The following HPCAL1 variants were observed in gnomAD, a reference collection of about 807,000 sequenced individuals.
HPCAL1 encodes the protein hippocalcin-like protein 1.
In HPCAL1, 8 loss-of-function variants were observed where a neutral mutation model predicts 17.1. That is an observed-to-expected ratio of 0.47 (90% CI 0.27 to 0.84). The LOEUF (loss-of-function observed/expected upper bound fraction) is 0.84, where lower values mean the gene tolerates loss of function less well. Ranked by LOEUF, HPCAL1 falls within the 40% of genes least tolerant of loss-of-function variation. The pLI, the probability that HPCAL1 is intolerant of heterozygous loss-of-function variation, is 0.13. For missense variants in HPCAL1, 165 were observed against 271.1 expected (o/e 0.61, Z 2.75); for synonymous variants, 112 against 111.4 (o/e 1.01, Z -0.03).
At chr2:10,326,707 C>T (rs1266842480) in intron 1 of HPCAL1, among the ~76,000 whole-genome samples, 1 of 152,220 alleles carries the variant, frequency 6.6e-6, no homozygotes, top group Admixed American at 6.5e-5. Context: ...CCCTGGTCCT[C>T]AAGCTCCTCC....
chr2:10,326,633 G>T (rs1372606724), intron 1 of HPCAL1, among the ~76,000 whole-genome samples: 1 of 152,220 alleles, frequency 6.6e-6, no homozygotes, highest in East Asian at 1.9e-4. Flanking sequence ...CAAAGGAGAG[G>T]AGGTGTTCAG....
chr2:10,350,228 A>G (rs1298293466), intron 1 of HPCAL1, among the ~76,000 whole-genome samples: 2 of 152,128 alleles, frequency 1.3e-5, no homozygotes, highest in African/African-American at 4.8e-5. Flanking sequence ...ATGCACCCAG[A>G]AGGGGACAGA....
At chr2:10,411,439 T>C (rs1344048664) in intron 2 of HPCAL1, among the ~76,000 whole-genome samples, 3 of 152,184 alleles carry the variant, frequency 2.0e-5, no homozygotes, top group African/African-American at 4.8e-5. Context: ...CACTGTGTCC[T>C]CCCCTGGATG....
At chr2:10,408,919 G>A (rs1176971210) in intron 2 of HPCAL1, among the ~76,000 whole-genome samples, 1 of 152,182 alleles carries the variant, frequency 6.6e-6, no homozygotes, top group African/African-American at 2.4e-5. Context: ...AATAAAGTGG[G>A]AGACACATAC....
chr2:10,399,429 A>ACCACCG, intron 2 of HPCAL1, among the ~76,000 whole-genome samples: 1 of 137,990 alleles, frequency 7.2e-6, no homozygotes, highest in Admixed American at 7.2e-5. Context: ...CACCATCACC[A>ACCACCG]CCACCACCAC....
intron 3 of HPCAL1, among the ~76,000 whole-genome samples, chr2:10,422,063 A>G (rs1412166684): frequency 6.6e-6 from 1 of 152,092 alleles, no homozygotes; most frequent in Non-Finnish European, 1.5e-5. Context: ...GCTTGGTCAG[A>G]ACATCAAGGC....
intron 1 of HPCAL1, among the ~76,000 whole-genome samples, chr2:10,390,783 G>A (rs1212811939): frequency 5.3e-5 from 8 of 152,066 alleles, no homozygotes; most frequent in Admixed American, 5.2e-4. Flanking sequence ...CCCCGGCCTG[G>A]GACTGGGCCA....
At chr2:10,353,724 A>G (rs1206849373) in intron 1 of HPCAL1, among the ~76,000 whole-genome samples, 1 of 152,158 alleles carries the variant, frequency 6.6e-6, no homozygotes, top group Non-Finnish European at 1.5e-5. Flanking sequence ...GTGTGCCGCT[A>G]TGCCCGGCTA....
intron 2 of HPCAL1, among the ~76,000 whole-genome samples, chr2:10,416,270 A>T (rs975710254): frequency 2.6e-5 from 4 of 152,214 alleles, no homozygotes; most frequent in Admixed American, 2.6e-4. Context: ...CAACCCATGC[A>T]TCTGGGCCTA....
intron 2 of HPCAL1, among the ~76,000 whole-genome samples, chr2:10,417,134 A>C (rs1192828556): frequency 6.6e-6 from 1 of 152,014 alleles, no homozygotes; most frequent in Non-Finnish European, 1.5e-5. Flanking sequence ...AGGCTGAGGC[A>C]GGTGGATCAC....
At chr2:10,386,881 G>A (rs898084113) in intron 1 of HPCAL1, among the ~76,000 whole-genome samples, 5 of 152,198 alleles carry the variant, frequency 3.3e-5, no homozygotes, top group African/African-American at 7.2e-5. Context: ...ATGGCTCACT[G>A]GGGCTGCTTT....
chr2:10,326,461 G>A (rs766892739), intron 1 of HPCAL1, among the ~76,000 whole-genome samples: 6 of 152,210 alleles, frequency 3.9e-5, no homozygotes, highest in Non-Finnish European at 5.9e-5. Context: ...GGTGAGGTGG[G>A]GGCAGGCAGT....
chr2:10,311,439 C>T (rs1284524884), intron 1 of HPCAL1, among the ~76,000 whole-genome samples: 2 of 152,156 alleles, frequency 1.3e-5, no homozygotes, highest in African/African-American at 2.4e-5. Flanking sequence ...GGTGCTTTCC[C>T]CTCTTCTTTC....
chr2:10,409,581 C>A (rs532046433), intron 2 of HPCAL1, among the ~76,000 whole-genome samples: 2 of 152,064 alleles, frequency 1.3e-5, no homozygotes, highest in Non-Finnish European at 2.9e-5. Flanking sequence ...CAGCGGTCAC[C>A]GGGAGAAAGA....
At chr2:10,393,758 G>A in intron 1 of HPCAL1, among the ~76,000 whole-genome samples, 1 of 152,132 alleles carries the variant, frequency 6.6e-6, no homozygotes, top group East Asian at 1.9e-4. Context: ...CCAGCTGGGG[G>A]CATGCAGAGG....
intron 1 of HPCAL1, chr2:10,303,876 G>GGGGC (rs1379931354): frequency 6.6e-6 from 1 of 152,326 alleles, no homozygotes; most frequent in Non-Finnish European, 1.5e-5. Context: ...TCCTCCCTTG[G>GGGGC]GGGCTGTGGT....
chr2:10,419,593 G>A lies in HPCAL1; in HGVS notation c.-24-141G>A. The A allele has an allele frequency of 1.4e-6, 1 of 700,496 alleles. No individual in the cohort carries two copies. The highest frequency in any genetic ancestry group is 2.3e-6 in the Non-Finnish European group (1 of 431,970). The allele number at this position is 700,496 out of a possible 1,614,324, so 43.4% of individuals were successfully genotyped here. On this transcript the variant is annotated intron_variant, in intron 2 of 4. Coordinates refer to ENST00000307845, the MANE Select transcript of HPCAL1 (RefSeq NM_002149.4). The surrounding 1 kb of genome is among the most constrained non-coding windows in gnomAD (Gnocchi z 5.0). Reference sequence around the variant, plus strand: ...CTTCTTGGTGGTCCATAAGATAGCGGCATGCCTTCCGATGGGGGACCCGGG... The same window carrying A: ...CTTCTTGGTGGTCCATAAGATAGCGACATGCCTTCCGATGGGGGACCCGGG...
Position 10,315,076 on chromosome 2 carries a change from A to G in HPCAL1, c.-111+11899A>G, listed in dbSNP as rs531072724. ...GGAGGCCGAGGCGGGCGGATCATGA[A>G]GTCAGGAGATCGAGACCATCCTGGC... On this transcript the variant is annotated intron_variant, in intron 1 of 4. Transcript: ENST00000307845. 1.4e-4 allele frequency among the ~76,000 whole-genome samples: 22 copies of G among 152,036 alleles called. No homozygotes were observed. In the East Asian group the frequency reaches 3.9e-3, roughly 27 times the overall value.
intron 2 of HPCAL1, among the ~76,000 whole-genome samples, chr2:10,397,142 C>CTGCCTGCTCTGGGTGCGAGG: frequency 6.6e-6 from 1 of 152,196 alleles, no homozygotes; most frequent in East Asian, 1.9e-4. Flanking sequence ...CCCCAGGCCC[C>CTGCCTGCTCTGGGTGCGAGG]ACAGCCATCT....
Sources: allele counts gnomAD v4.1 joint callset (sites outside exome capture counted in the v4.1 genomes callset), GRCh38; gene constraint gnomAD v4.1.1; non-coding constraint Gnocchi (gnomAD v3.1); transcripts MANE v1.5; gene names NCBI Gene and HGNC (gene_info 2026-07-23, HGNC 2026-07-21).